RASGRP3: variants seen among roughly 807,000 people sequenced by gnomAD.
RASGRP3 encodes ras guanyl-releasing protein 3.
A neutral mutation model predicts 82.7 loss-of-function variants in RASGRP3; 54 were observed. The ratio of observed to expected loss-of-function variants is 0.65; its 90% CI spans 0.52 to 0.82. The LOEUF is 0.82. RASGRP3 is among the 40% of genes least tolerant of loss of function. RASGRP3 has a pLI of 0.00. For missense variants in RASGRP3, 861 were observed against 828.9 expected (o/e 1.04, Z -0.48); for synonymous variants, 309 against 300.5 (o/e 1.03, Z -0.29).
intron 2 of RASGRP3, among the ~76,000 whole-genome samples, chr2:33,451,004 A>C (rs1205718380): frequency 6.7e-6 from 1 of 149,732 alleles, no homozygotes; most frequent in African/African-American, 2.4e-5. Flanking sequence ...CGCCTGGCTA[A>C]TTTTGTTTTT....
chr2:33,466,473 A>G (rs1218927022), intron 2 of RASGRP3, among the ~76,000 whole-genome samples: 1 of 152,018 alleles, frequency 6.6e-6, no homozygotes, highest in African/African-American at 2.4e-5. Context: ...GAGGTCAGGA[A>G]TTCGAGACCA....
At chr2:33,500,983 A>G (rs1669820662) in intron 1 of RASGRP3, among the ~76,000 whole-genome samples, 1 of 152,210 alleles carries the variant, frequency 6.6e-6, no homozygotes, top group Non-Finnish European at 1.5e-5. Flanking sequence ...TATTTAGTGT[A>G]TTCACAAGGT....
chr2:33,549,251 A>C (rs1675140250), intron 13 of RASGRP3, among the ~76,000 whole-genome samples: 1 of 152,150 alleles, frequency 6.6e-6, no homozygotes, highest in Non-Finnish European at 1.5e-5. Context: ...AATTCTTGCA[A>C]CCTTACAGCT....
chr2:33,497,720 T>C (rs996955393), intron 1 of RASGRP3, among the ~76,000 whole-genome samples: 1 of 152,234 alleles, frequency 6.6e-6, no homozygotes, highest in Non-Finnish European at 1.5e-5. Context: ...TTGAGTACTT[T>C]CGGTATGTGT....
chr2:33,470,787 T>C (rs77700275), intron 2 of RASGRP3, among the ~76,000 whole-genome samples: 4,310 of 152,294 alleles, frequency 0.028, 203 homozygotes, highest in African/African-American at 0.098. Flanking sequence ...TGTATACTTA[T>C]TTTGTATATT....
At chr2:33,456,670 A>C (rs1428242618) in intron 2 of RASGRP3, among the ~76,000 whole-genome samples, 1 of 152,224 alleles carries the variant, frequency 6.6e-6, no homozygotes, top group Non-Finnish European at 1.5e-5. Context: ...ACACAGTTTG[A>C]GGTCTTGACA....
intron 1 of RASGRP3, among the ~76,000 whole-genome samples, chr2:33,438,933 G>T (rs1665070553): frequency 6.6e-6 from 1 of 152,148 alleles, no homozygotes; most frequent in Non-Finnish European, 1.5e-5. Context: ...ACAACTTGGG[G>T]GATGTGTTGA....
intron 4 of RASGRP3, among the ~76,000 whole-genome samples, chr2:33,519,345 G>A (rs113732803): frequency 0.024 from 3,679 of 152,248 alleles, 155 homozygotes; most frequent in African/African-American, 0.085. Context: ...GGCCAGGCGC[G>A]GTGGCTCACA....
chr2:33,559,517 G>A, intron 17 of RASGRP3: 1 of 464,770 alleles, frequency 2.2e-6, no homozygotes, highest in Non-Finnish European at 4.3e-6. Flanking sequence ...GAGATACGAG[G>A]CCCTTGAGGA....
intron 15 of RASGRP3, among the ~76,000 whole-genome samples, chr2:33,555,976 A>C (rs1412568938): frequency 6.6e-6 from 1 of 152,230 alleles, no homozygotes; most frequent in East Asian, 1.9e-4. Context: ...TAAATCACAT[A>C]GATGGTGACA....
At chr2:33,453,925 T>G (rs1373719984) in intron 2 of RASGRP3, among the ~76,000 whole-genome samples, 1 of 152,212 alleles carries the variant, frequency 6.6e-6, no homozygotes, top group East Asian at 1.9e-4. Flanking sequence ...ACAAGAGAAA[T>G]TTATTTTTCA....
intron 17 of RASGRP3, 63 bp downstream of exon 17, chr2:33,559,093 C>A: frequency 7.3e-7 from 1 of 1,368,888 alleles, no homozygotes; most frequent in African/African-American, 1.5e-5. Flanking sequence ...CTGAGATGAG[C>A]GTTACAGAGG....
intron 17 of RASGRP3, among the ~76,000 whole-genome samples, chr2:33,562,004 T>TAAATA (rs1002431052): frequency 1.3e-5 from 2 of 152,094 alleles, no homozygotes; most frequent in African/African-American, 4.8e-5. Flanking sequence ...AAATGCTGAC[T>TAAATA]AAATAAAATG....
rs752067507 is a variant in RASGRP3, at chr2:33,543,611, G to T, written c.1378G>T (p.Val460Phe). ...ANFPFLDSFC[V>F]LDKDQDGLIS... is the part of the protein sequence containing the mutation. ...TTTTCCCTTCTTGGATTCCTTCTGT[G>T]TTCTGGACAAAGATCAGTAAGTTTT... Residue 460 changes from valine (V) to phenylalanine (F), a missense_variant, in exon 13 of 18, where the codon GTT becomes TTT. Transcript: ENST00000403687. 1 of 1,598,024 alleles carries T rather than the reference G, an allele frequency of 6.3e-7. No individual in the cohort carries two copies. Among genetic ancestry groups the T allele is most frequent in the South Asian group, 1.1e-5 (1 of 90,148 alleles).
chr2:33,543,809 C>T (rs1486635892), intron 13 of RASGRP3, among the ~76,000 whole-genome samples, 182 bp downstream of exon 13: 3 of 152,268 alleles, frequency 2.0e-5, no homozygotes, highest in Admixed American at 6.5e-5. Context: ...TGAATGGAAT[C>T]ACAGGGAAGA....
At chr2:33,538,090 A>G (rs773526769) in intron 11 of RASGRP3, among the ~76,000 whole-genome samples, 18 of 152,242 alleles carry the variant, frequency 1.2e-4, no homozygotes, top group African/African-American at 1.9e-4. Flanking sequence ...GTGTTTTTGT[A>G]TCCTGTATTA....
intron 1 of RASGRP3, among the ~76,000 whole-genome samples, chr2:33,442,938 T>G (rs968755201): frequency 1.3e-5 from 2 of 151,914 alleles, no homozygotes; most frequent in African/African-American, 4.8e-5. Context: ...CTGGCAGCAA[T>G]GACTTCCAAT....
chr2:33,532,933 G>C (rs1478274370), intron 10 of RASGRP3: 1 of 152,204 alleles, frequency 6.6e-6, no homozygotes, highest in Admixed American at 6.5e-5. Context: ...TTTAAAGGAA[G>C]TAGAACAGGA....
chr2:33,530,676 G>GCT (rs1428266534), intron 10 of RASGRP3, among the ~76,000 whole-genome samples: 4 of 151,982 alleles, frequency 2.6e-5, no homozygotes, highest in African/African-American at 9.7e-5. Flanking sequence ...AATTAATACT[G>GCT]CTCTCTCCTC....
Sources: allele counts gnomAD v4.1 joint callset (sites outside exome capture counted in the v4.1 genomes callset), GRCh38; gene constraint gnomAD v4.1.1; transcripts MANE v1.5; gene names NCBI Gene and HGNC (gene_info 2026-07-23, HGNC 2026-07-21).